Variants in RBPMS observed in about 807,000 individuals in gnomAD.
RBPMS encodes the protein RNA binding protein, mRNA processing factor.
RBPMS carries 7 observed loss-of-function variants against 26.8 expected under a neutral mutation model. The observed-to-expected ratio is 0.26, with a 90% CI of 0.15 to 0.49. The LOEUF is 0.49. Ranked by LOEUF, RBPMS falls within the 20% of genes least tolerant of loss-of-function variation. The pLI, the probability that RBPMS is intolerant of heterozygous loss-of-function variation, is 0.98. For missense variants in RBPMS, 186 were observed against 250.0 expected, an observed-to-expected ratio of 0.74 and a Z score of 1.73; for synonymous variants, 96 against 93.3, an observed-to-expected ratio of 1.03 and a Z score of -0.17.
intron 6 of RBPMS, chr8:30,547,263 T>G (rs1176436683): frequency 2.7e-6 from 4 of 1,476,190 alleles, no homozygotes; most frequent in Non-Finnish European, 3.8e-6. Context: ...ATGCTCTATT[T>G]TGAGACATGG....
At chr8:30,537,662 T>C in intron 5 of RBPMS, 1 of 456,186 alleles carries the variant, frequency 2.2e-6, no homozygotes, top group Non-Finnish European at 4.4e-6. Flanking sequence ...ATTCACATCC[T>C]GGCTCTGTGA....
intron 1 of RBPMS, among the ~76,000 whole-genome samples, chr8:30,422,483 C>T (rs189609190): frequency 1.1e-3 from 165 of 152,118 alleles, no homozygotes; most frequent in African/African-American, 3.8e-3. Context: ...TACCCAGGCT[C>T]GTCTCGAACT....
intron 5 of RBPMS, among the ~76,000 whole-genome samples, chr8:30,522,272 TAAAA>T (rs570609747): frequency 1.5e-5 from 2 of 136,232 alleles, no homozygotes; most frequent in African/African-American, 2.7e-5. Context: ...CATCTCTATT[TAAAA>T]AAAAAAAAAA....
At chr8:30,445,992 C>A (rs1813719429) in intron 1 of RBPMS, among the ~76,000 whole-genome samples, 1 of 152,004 alleles carries the variant, frequency 6.6e-6, no homozygotes, top group South Asian at 2.1e-4. Context: ...GAAGACTTTG[C>A]TAAAGAAAGA....
chr8:30,477,714 A>T, intron 2 of RBPMS, 85 bp from the exon 3 acceptor site: 2 of 915,052 alleles, frequency 2.2e-6, no homozygotes, highest in South Asian at 2.8e-5. Context: ...GGAGTTAGGT[A>T]ATCAATAAAG....
chr8:30,556,146 CAA>C lies in RBPMS; in HGVS notation c.529-2740_529-2739del, dbSNP rs1826885404. 5.1e-6 allele frequency: 5 copies of C among 985,398 alleles called. No individual in the cohort carries two copies. The East Asian group carries it at 4.5e-4, about 89-fold the overall frequency. 61.0% of individuals were successfully genotyped at this position (985,398 alleles called of 1,614,324 possible). A position where few individuals can be genotyped will look rare whatever the true frequency, so the allele number is the denominator to read the frequency against. On this transcript the variant is annotated intron_variant, in intron 6 of 8. Coordinates refer to ENST00000397323, the MANE Select transcript of RBPMS (RefSeq NM_001008710.3). ...GCACATAGTGTCCTAGCCTGAGACA[CAA>C]GAGCAATGAATTCAGGGGTCTGTGT...
intron 1 of RBPMS, among the ~76,000 whole-genome samples, chr8:30,467,160 C>G (rs1275717718): frequency 6.6e-6 from 1 of 152,190 alleles, no homozygotes; most frequent in East Asian, 1.9e-4. Context: ...TTAATGGTTG[C>G]AGTAATCCAT....
At chr8:30,446,335 A>G (rs1813761753) in intron 1 of RBPMS, among the ~76,000 whole-genome samples, 1 of 152,236 alleles carries the variant, frequency 6.6e-6, no homozygotes, top group Non-Finnish European at 1.5e-5. Context: ...AATGAAGGCC[A>G]GCAATCAGGG....
At chr8:30,478,543 A>G (rs1268612165) in intron 3 of RBPMS, among the ~76,000 whole-genome samples, 1 of 147,210 alleles carries the variant, frequency 6.8e-6, no homozygotes, top group Non-Finnish European at 1.5e-5. Flanking sequence ...CTATGTTGCC[A>G]GGCTGGAGTG....
At chr8:30,421,070 A>G (rs2915608) in intron 1 of RBPMS, among the ~76,000 whole-genome samples, 25,900 of 152,158 alleles carry the variant, frequency 0.17, 5,537 homozygotes, top group African/African-American at 0.5. Flanking sequence ...TGAATTGTGA[A>G]GATGATGAGC....
intron 6 of RBPMS, among the ~76,000 whole-genome samples, chr8:30,548,259 C>T (rs1212475715): frequency 6.6e-6 from 1 of 152,206 alleles, no homozygotes; most frequent in African/African-American, 2.4e-5. Context: ...ACCTCACATT[C>T]ACACACTTCC....
At chr8:30,565,647 A>G (rs1454649797) in intron 7 of RBPMS, 1 of 152,262 alleles carries the variant, frequency 6.6e-6, no homozygotes, top group African/African-American at 2.4e-5. Flanking sequence ...CCTAGGGTAC[A>G]AGTAGCCAGA....
intron 1 of RBPMS, among the ~76,000 whole-genome samples, chr8:30,448,560 C>T (rs1585500946): frequency 6.6e-6 from 1 of 151,996 alleles, no homozygotes; most frequent in African/African-American, 2.4e-5. Context: ...CAGCAGTGCA[C>T]GAAGCAGAGA....
intron 1 of RBPMS, among the ~76,000 whole-genome samples, chr8:30,447,346 T>A (rs1813988331): frequency 6.6e-6 from 1 of 152,248 alleles, no homozygotes; most frequent in Non-Finnish European, 1.5e-5. Context: ...TAGGAAATCA[T>A]GTGCCCAACA....
chr8:30,493,856 A>G (rs1819651940), intron 4 of RBPMS, among the ~76,000 whole-genome samples: 1 of 152,196 alleles, frequency 6.6e-6, no homozygotes. Context: ...GATTGCGTTT[A>G]TCGCTTCTTC....
chr8:30,388,508 A>G (rs1807385018), intron 1 of RBPMS, among the ~76,000 whole-genome samples: 1 of 30,712 alleles, frequency 3.3e-5, no homozygotes, highest in Admixed American at 3.2e-4. Context: ...ACTTATAGCT[A>G]TAGCTATAAG....
intron 5 of RBPMS, among the ~76,000 whole-genome samples, chr8:30,527,155 T>A (rs1247313633): frequency 1.3e-5 from 2 of 152,158 alleles, no homozygotes; most frequent in African/African-American, 4.8e-5. Flanking sequence ...AGTAAATACA[T>A]CCTGAGAAAA....
chr8:30,458,650 A>G (rs1231268920), intron 1 of RBPMS, among the ~76,000 whole-genome samples: 1 of 152,208 alleles, frequency 6.6e-6, no homozygotes, highest in Non-Finnish European at 1.5e-5. Flanking sequence ...CACATCAGTA[A>G]TTCTGTAGTC....
chr8:30,566,324 C>T lies in RBPMS; in HGVS notation c.*75C>T. Reference sequence around the variant, plus strand: ...TTAATGCAATCTTCAGTGGTGGCTACTGTTCTCTAGCTGTTCTACAAAACT... The same window carrying T: ...TTAATGCAATCTTCAGTGGTGGCTATTGTTCTCTAGCTGTTCTACAAAACT... On this transcript the variant is annotated 3_prime_UTR_variant, in exon 8 of 9. Transcript: ENST00000397323. 2.0e-6 allele frequency: 2 copies of T among 984,264 alleles called. No homozygotes were observed. Among genetic ancestry groups the T allele is most frequent in the Non-Finnish European group, 2.4e-6 (2 of 828,686 alleles). 61.0% of individuals were successfully genotyped at this position (984,264 alleles called of 1,614,324 possible).
Sources: gnomAD v4.1 joint callset for allele counts (sites outside exome capture counted in the v4.1 genomes callset) on GRCh38, gnomAD v4.1.1 for gene constraint, MANE v1.5 for transcripts, NCBI Gene and HGNC (gene_info 2026-07-23, HGNC 2026-07-21) for gene names.